Variants in PTPRG observed in about 807,000 individuals in gnomAD.
PTPRG encodes protein tyrosine phosphatase receptor type G.
In PTPRG, 102 loss-of-function variants were observed where a neutral mutation model predicts 165.3. The observed-to-expected ratio is 0.62, with a 90% CI of 0.53 to 0.73. The LOEUF is 0.73. Ranked by LOEUF, PTPRG falls within the 30% of genes least tolerant of loss-of-function variation. The probability of loss-of-function intolerance (pLI) is 0.00; values close to 1 mark genes in which losing one functional copy is unlikely to be tolerated. For missense variants in PTPRG, 1,866 were observed against 1,861.4 expected (o/e 1.00, Z -0.05); for synonymous variants, 675 against 669.5 (o/e 1.01, Z -0.13).
At chr3:62,083,621 A>G (rs556640368) in intron 5 of PTPRG, among the ~76,000 whole-genome samples, 1 of 152,350 alleles carries the variant, frequency 6.6e-6, no homozygotes, top group African/African-American at 2.4e-5. Flanking sequence ...GAACAATTTC[A>G]TTGGTTTCTT....
At chr3:61,987,673 A>G (rs2040794872) in intron 2 of PTPRG, among the ~76,000 whole-genome samples, 1 of 151,772 alleles carries the variant, frequency 6.6e-6, no homozygotes, top group East Asian at 1.9e-4. Flanking sequence ...TAGATTCCAT[A>G]ATTTGGATTT....
chr3:61,752,521 G>A (rs116569485), intron 2 of PTPRG, among the ~76,000 whole-genome samples: 143 of 151,988 alleles, frequency 9.4e-4, no homozygotes, highest in African/African-American at 3.3e-3. Flanking sequence ...GGCCGGGTGC[G>A]GTGGCTCATG....
intron 1 of PTPRG, among the ~76,000 whole-genome samples, chr3:61,673,178 A>C (rs1030471839): frequency 6.6e-6 from 1 of 152,184 alleles, no homozygotes; most frequent in African/African-American, 2.4e-5. Flanking sequence ...AAATGGAAGA[A>C]AAAAGATAAA....
In PTPRG at chr3:62,080,234, A is replaced by ATT. The variant is rs112814144; in HGVS notation, c.615+1976_615+1977insTT. ...CAGGCATGTGCTACTATGCCCAGCT[A>ATT]ATTTTTTTTTTTTGTATTTTTAGTA... On this transcript the variant is annotated intron_variant, in intron 5 of 29. Transcript: ENST00000474889. 4.5e-3 allele frequency among the ~76,000 whole-genome samples: 623 copies of ATT among 137,490 alleles called. 5 individuals are homozygous for ATT. Among genetic ancestry groups the ATT allele is most frequent in the African/African-American group, 0.017 (491 of 29,078 alleles). The allele number at this position is 137,490 out of a possible 152,430, so 90.2% of individuals were successfully genotyped here.
At chr3:62,007,842 T>G (rs901134447) in intron 4 of PTPRG, among the ~76,000 whole-genome samples, 4 of 152,176 alleles carry the variant, frequency 2.6e-5, no homozygotes, top group Admixed American at 6.5e-5. Flanking sequence ...GCAGGTGGTG[T>G]TTGTTAAGTT....
At chr3:61,634,843 T>C (rs562630433) in intron 1 of PTPRG, among the ~76,000 whole-genome samples, 1 of 152,228 alleles carries the variant, frequency 6.6e-6, no homozygotes, top group Non-Finnish European at 1.5e-5. Context: ...ATATCTGATA[T>C]GCTGTGTTTG....
At chr3:62,061,103 A>G (rs1451164555) in intron 4 of PTPRG, among the ~76,000 whole-genome samples, 1 of 152,182 alleles carries the variant, frequency 6.6e-6, no homozygotes, top group Non-Finnish European at 1.5e-5. Flanking sequence ...AATCCCAACT[A>G]AGGTAGCCTG....
chr3:61,759,625 G>T (rs139188002), intron 2 of PTPRG, among the ~76,000 whole-genome samples: 1 of 152,082 alleles, frequency 6.6e-6, no homozygotes, highest in Non-Finnish European at 1.5e-5. Context: ...TGCATTCCCA[G>T]CCTGCGTGGC....
intron 6 of PTPRG, among the ~76,000 whole-genome samples, chr3:62,145,469 C>A (rs1704084233): frequency 6.6e-6 from 1 of 152,140 alleles, no homozygotes; most frequent in Non-Finnish European, 1.5e-5. Context: ...ACCATCACTG[C>A]CCATGTAGTA....
At chr3:61,960,911 C>T (rs2040138476) in intron 2 of PTPRG, among the ~76,000 whole-genome samples, 1 of 152,144 alleles carries the variant, frequency 6.6e-6, no homozygotes, top group Non-Finnish European at 1.5e-5. Context: ...GGCTCAAATC[C>T]TAGACCCTTC....
chr3:62,233,099 G>A lies in PTPRG; in HGVS notation c.2375+1788G>A, dbSNP rs1296716572. Among the ~76,000 whole-genome samples, 1 of 152,132 alleles carries A rather than the reference G, an allele frequency of 6.6e-6. No homozygotes were observed. The highest frequency in any genetic ancestry group is 1.9e-4 in the East Asian group (1 of 5,186). On this transcript the variant is annotated intron_variant, in intron 14 of 29. Coordinates refer to ENST00000474889, the MANE Select transcript of PTPRG (RefSeq NM_002841.4). This position sits in a 1 kb window ranked among gnomAD's most constrained non-coding sequence, Gnocchi z 4.7. ...ATATATTAACCCATTGAGAAGATGA[G>A]GAAATTCAGGCTCTGAGAAGTTGTC... is the stretch of plus-strand genomic sequence containing the variant.
At chr3:62,068,375 G>T (rs1472076466) in intron 4 of PTPRG, among the ~76,000 whole-genome samples, 9 of 152,236 alleles carry the variant, frequency 5.9e-5, no homozygotes, top group Admixed American at 5.2e-4. Context: ...CGTCAAGCAG[G>T]TAAGTTCAAT....
At position 62,294,289 on chromosome 3, in the gene PTPRG, CTACA is replaced by C. The variant is rs1702994175; in HGVS notation, c.*985_*988del. On this transcript the variant is annotated 3_prime_UTR_variant, in exon 30 of 30. Coordinates refer to ENST00000474889, the MANE Select transcript of PTPRG (RefSeq NM_002841.4). ...CCTATAGCAATCTAATAAAAACTAC[CTACA>C]TAGTTACTGTTTTCTTTCCTTCTTT... The C allele has an allele frequency of 6.6e-6, 1 of 152,024 alleles. No homozygotes were observed. The highest frequency in any genetic ancestry group is 2.4e-5 in the African/African-American group (1 of 41,412). 9.4% of individuals were successfully genotyped at this position (152,024 alleles called of 1,614,324 possible).
In PTPRG at chr3:62,281,681, T is replaced by G. The variant is rs761400587; in HGVS notation, c.3884T>G (p.Ile1295Ser). The change falls in exon 27 of 30, where the codon ATC becomes AGC. Residue 1295 changes from isoleucine to serine, a missense_variant. Transcript: ENST00000474889. ...LCLSNEEQII[I>S]HDFILEATQD... ...CTCTCTAATGAAGAACAAATTATCATCCATGACTTTATCCTTGAAGCTACA... is the reference window on the plus strand; with the variant it reads ...CTCTCTAATGAAGAACAAATTATCAGCCATGACTTTATCCTTGAAGCTACA... 6.2e-7 allele frequency: 1 copy of G among 1,611,868 alleles called. No individual in the cohort carries two copies. Among genetic ancestry groups the G allele is most frequent in the Non-Finnish European group, 8.5e-7 (1 of 1,178,750 alleles).
intron 28 of PTPRG, among the ~76,000 whole-genome samples, chr3:62,292,068 C>T (rs1576235305): frequency 1.3e-5 from 2 of 152,104 alleles, no homozygotes; most frequent in South Asian, 2.1e-4. Flanking sequence ...TGTCCAATAA[C>T]GTCTAGTTAA....
intron 2 of PTPRG, among the ~76,000 whole-genome samples, chr3:61,912,287 A>C (rs1302888111): frequency 6.6e-6 from 1 of 152,162 alleles, no homozygotes; most frequent in East Asian, 1.9e-4. Flanking sequence ...AGCAAACAAA[A>C]CAATAACTCT....
At chr3:62,196,810 A>C (rs1049141531) in intron 10 of PTPRG, among the ~76,000 whole-genome samples, 1 of 152,186 alleles carries the variant, frequency 6.6e-6, no homozygotes, top group African/African-American at 2.4e-5. Context: ...AATCTGATGA[A>C]GGTTTGGACA....
intron 4 of PTPRG, 152 bp downstream of exon 4, chr3:62,003,649 T>A: frequency 1.0e-6 from 1 of 960,276 alleles, no homozygotes; most frequent in Non-Finnish European, 1.5e-6. Flanking sequence ...GTATGGCAGG[T>A]GGGTATCCAT....
chr3:62,031,149 C>T (rs1183921315), intron 4 of PTPRG, among the ~76,000 whole-genome samples: 3 of 152,156 alleles, frequency 2.0e-5, no homozygotes, highest in African/African-American at 7.2e-5. Context: ...TTAGGAGTAA[C>T]TGTATACCAG....
Sources: gnomAD v4.1 joint callset for allele counts (sites outside exome capture counted in the v4.1 genomes callset) on GRCh38, gnomAD v4.1.1 for gene constraint, Gnocchi (gnomAD v3.1) non-coding constraint, MANE v1.5 for transcripts, NCBI Gene and HGNC (gene_info 2026-07-23, HGNC 2026-07-21) for gene names.